CACNG3: variants seen among roughly 807,000 people sequenced by gnomAD.
CACNG3 encodes calcium voltage-gated channel auxiliary subunit gamma 3.
A neutral mutation model predicts 28.5 loss-of-function variants in CACNG3; 3 were observed. The ratio of observed to expected loss-of-function variants is 0.11; its 90% CI spans 0.05 to 0.27. CACNG3 has a LOEUF of 0.27. Among genes scored for constraint, CACNG3 ranks in the 10% least tolerant of loss-of-function variants. CACNG3 has a pLI of 1.00. For missense variants in CACNG3, 236 were observed against 414.4 expected (o/e 0.57, Z 3.74); for synonymous variants, 174 against 162.2 (o/e 1.07, Z -0.55).
chr16:24,273,581 G>A (rs1466479709), intron 1 of CACNG3, among the ~76,000 whole-genome samples: 10 of 152,124 alleles, frequency 6.6e-5, no homozygotes, highest in Admixed American at 3.9e-4. Context: ...GCTACGGATC[G>A]ATTCTGAAGT....
At chr16:24,340,646 G>A (rs983831410) in intron 1 of CACNG3, among the ~76,000 whole-genome samples, 7 of 152,162 alleles carry the variant, frequency 4.6e-5, no homozygotes, top group African/African-American at 1.7e-4. Flanking sequence ...AACCAGAGAC[G>A]AACTATTAGT....
At chr16:24,345,704 C>T (rs1452010849) in intron 1 of CACNG3, among the ~76,000 whole-genome samples, 41 of 152,022 alleles carry the variant, frequency 2.7e-4, no homozygotes. Context: ...CTGTCTCAAA[C>T]AAAACAAAAA....
chr16:24,308,022 T>G (rs1436189308), intron 1 of CACNG3, among the ~76,000 whole-genome samples: 1 of 152,144 alleles, frequency 6.6e-6, no homozygotes, highest in Non-Finnish European at 1.5e-5. Context: ...CATCTGCATC[T>G]GAGAAAGCAA....
At chr16:24,287,171 G>C (rs1363902878) in intron 1 of CACNG3, among the ~76,000 whole-genome samples, 1 of 152,122 alleles carries the variant, frequency 6.6e-6, no homozygotes, top group African/African-American at 2.4e-5. Context: ...GTCACCCTTG[G>C]TTTGGCCTTT....
chr16:24,352,339 T>C (rs1317023300), intron 2 of CACNG3, among the ~76,000 whole-genome samples: 5 of 150,062 alleles, frequency 3.3e-5, no homozygotes, highest in Non-Finnish European at 7.4e-5. Context: ...TAGAGGCTCC[T>C]CCATTCACTC....
chr16:24,335,080 G>A (rs983619062), intron 1 of CACNG3, among the ~76,000 whole-genome samples: 3 of 152,152 alleles, frequency 2.0e-5, no homozygotes, highest in Non-Finnish European at 1.5e-5. Flanking sequence ...TCAGGGTCTA[G>A]GGTTAGACAG....
intron 1 of CACNG3, among the ~76,000 whole-genome samples, chr16:24,309,594 G>T (rs1899232617): frequency 6.6e-6 from 1 of 152,222 alleles, no homozygotes; most frequent in Admixed American, 6.5e-5. Flanking sequence ...TCATGCAGGG[G>T]TGCCTGGTGC....
intron 1 of CACNG3, among the ~76,000 whole-genome samples, chr16:24,263,469 AC>A (rs1408304907): frequency 1.3e-5 from 2 of 152,164 alleles, no homozygotes; most frequent in Admixed American, 6.5e-5. Context: ...ACTGTAGAAA[AC>A]CCCAAGGTTG....
At chr16:24,315,301 C>T (rs949430770) in intron 1 of CACNG3, among the ~76,000 whole-genome samples, 9 of 152,044 alleles carry the variant, frequency 5.9e-5, no homozygotes, top group African/African-American at 1.9e-4. Context: ...GGGTCTCCTC[C>T]GAATCCTAGG....
Position 24,362,151 on chromosome 16 carries a change from C to T in CACNG3, c.*288C>T. 3.4e-6 allele frequency: 1 copy of T among 297,556 alleles called. No homozygotes were observed. Among genetic ancestry groups the T allele is most frequent in the Non-Finnish European group, 6.2e-6 (1 of 160,568 alleles). The allele number at this position is 297,556 out of a possible 1,614,324, so 18.4% of individuals were successfully genotyped here. On this transcript the variant is annotated 3_prime_UTR_variant, in exon 4 of 4. Coordinates refer to ENST00000005284, the MANE Select transcript of CACNG3 (RefSeq NM_006539.4). ...ACTGGAAGGACCTCCACATTCTTCCCTCCTTGGAAGAGGACTTTACTAAAA... is the reference window on the plus strand; with the variant it reads ...ACTGGAAGGACCTCCACATTCTTCCTTCCTTGGAAGAGGACTTTACTAAAA...
intron 1 of CACNG3, among the ~76,000 whole-genome samples, chr16:24,265,384 AAAG>A (rs1898589963): frequency 6.6e-6 from 1 of 151,144 alleles, no homozygotes; most frequent in South Asian, 2.1e-4. Flanking sequence ...GAAAGAAAGA[AAAG>A]AAAGAAGAAA....
chr16:24,341,727 C>T (rs1379803169), intron 1 of CACNG3, among the ~76,000 whole-genome samples: 1 of 152,154 alleles, frequency 6.6e-6, no homozygotes, highest in South Asian at 2.1e-4. Flanking sequence ...AAAGACTGGG[C>T]TCTTACTAAA....
At chr16:24,341,446 G>A (rs758090511) in intron 1 of CACNG3, among the ~76,000 whole-genome samples, 1 of 152,172 alleles carries the variant, frequency 6.6e-6, no homozygotes, top group Non-Finnish European at 1.5e-5. Flanking sequence ...AATAATAGCT[G>A]TAATATACTG....
At chr16:24,277,711 C>T (rs955178771) in intron 1 of CACNG3, among the ~76,000 whole-genome samples, 10 of 145,572 alleles carry the variant, frequency 6.9e-5, no homozygotes, top group East Asian at 2.0e-4. Context: ...ACCCAGGATG[C>T]GGAGGTTACA....
chr16:24,280,888 G>A (rs990603575), intron 1 of CACNG3, among the ~76,000 whole-genome samples: 3 of 145,984 alleles, frequency 2.1e-5, no homozygotes, highest in African/African-American at 7.6e-5. Context: ...CATTTTGTCT[G>A]AGGTCACAAT....
At chr16:24,280,835 A>AAAAAAAAAAAAAAAAAAAAAC (rs1898816762) in intron 1 of CACNG3, among the ~76,000 whole-genome samples, 1 of 151,008 alleles carries the variant, frequency 6.6e-6, no homozygotes, top group Non-Finnish European at 1.5e-5. Context: ...AAAAAAAAAA[A>AAAAAAAAAAAAAAAAAAAAAC]AAAAAAAAAA....
chr16:24,259,040 T>C (rs934813382), intron 1 of CACNG3, among the ~76,000 whole-genome samples: 2 of 152,214 alleles, frequency 1.3e-5, no homozygotes, highest in African/African-American at 4.8e-5. Context: ...AGGCATTCTG[T>C]AGGCTTAGTG....
At chr16:24,305,040 G>A (rs866834740) in intron 1 of CACNG3, among the ~76,000 whole-genome samples, 3 of 152,264 alleles carry the variant, frequency 2.0e-5, no homozygotes, top group Non-Finnish European at 2.9e-5. Flanking sequence ...GAGTGTGGCT[G>A]TCAGGGGCTT....
rs71154294 is a variant in CACNG3, at chr16:24,275,194, C to CA, written c.211+18240dup. Among the ~76,000 whole-genome samples the CA allele has an allele frequency of 4.3e-4, 64 of 147,590 alleles. 1 individual carries two copies. The highest frequency in any genetic ancestry group is 3.2e-3 in the South Asian group (15 of 4,642). Reference sequence around the variant, plus strand: ...GGGCAATACAGCAAGACTCCATCTCCAAAAAAAAAAAGATATGATTTGCTT... The same window carrying CA: ...GGGCAATACAGCAAGACTCCATCTCCAAAAAAAAAAAAGATATGATTTGCTT... On this transcript the variant is annotated intron_variant, in intron 1 of 3. Transcript: ENST00000005284.
Sources: allele counts gnomAD v4.1 joint callset (sites outside exome capture counted in the v4.1 genomes callset), GRCh38; gene constraint gnomAD v4.1.1; transcripts MANE v1.5; gene names NCBI Gene and HGNC (gene_info 2026-07-23, HGNC 2026-07-21).